Variants in CDC42BPB observed in about 807,000 individuals in gnomAD.
CDC42BPB encodes serine/threonine-protein kinase MRCK beta.
CDC42BPB carries 37 observed loss-of-function variants against 214.9 expected under a neutral mutation model. The ratio of observed to expected loss-of-function variants is 0.17; its 90% CI spans 0.13 to 0.23. The LOEUF is 0.23. CDC42BPB is among the 10% of genes least tolerant of loss of function. The probability of loss-of-function intolerance (pLI) is 1.00; values close to 1 mark genes in which losing one functional copy is unlikely to be tolerated. For synonymous variants in CDC42BPB, 931 were observed against 884.0 expected (o/e 1.05, Z -0.94); for missense variants, 1,694 against 2,227.0 (o/e 0.76, Z 4.82).
intron 5 of CDC42BPB, among the ~76,000 whole-genome samples, chr14:102,989,474 T>C (rs1894393773): frequency 6.6e-6 from 1 of 152,240 alleles, no homozygotes; most frequent in African/African-American, 2.4e-5. Context: ...ACATTTATAA[T>C]TGCAAAATAT....
chr14:103,046,201 C>G (rs1215476740), intron 1 of CDC42BPB, among the ~76,000 whole-genome samples: 1 of 152,052 alleles, frequency 6.6e-6, no homozygotes, highest in South Asian at 2.1e-4. Flanking sequence ...CAGAAACTGA[C>G]AGCTATGCCC....
chr14:102,998,213 G>A (rs1390737156), intron 5 of CDC42BPB, among the ~76,000 whole-genome samples: 1 of 152,216 alleles, frequency 6.6e-6, no homozygotes, highest in Non-Finnish European at 1.5e-5. Flanking sequence ...ATGGGTGACA[G>A]AGAGAAAGAG....
intron 24 of CDC42BPB, among the ~76,000 whole-genome samples, chr14:102,952,198 T>G (rs1892520119): frequency 6.6e-6 from 1 of 151,602 alleles, no homozygotes; most frequent in South Asian, 2.1e-4. Flanking sequence ...AAAAAAAATT[T>G]AAAAATAGCC....
At chr14:103,036,405 T>G (rs933829318) in intron 1 of CDC42BPB, among the ~76,000 whole-genome samples, 4 of 152,216 alleles carry the variant, frequency 2.6e-5, no homozygotes, top group Non-Finnish European at 4.4e-5. Context: ...TCCACCTGCC[T>G]CGGCCTCCCA....
At chr14:102,996,888 G>C (rs59095634) in intron 5 of CDC42BPB, among the ~76,000 whole-genome samples, 6,481 of 150,570 alleles carry the variant, frequency 0.043, 470 homozygotes, top group African/African-American at 0.15. Flanking sequence ...TTTTTAAAAA[G>C]AAAGAAAGAG....
Position 102,990,016 on chromosome 14 carries a change from T to A in CDC42BPB, c.597-3436A>T, listed in dbSNP as rs372236311. Among the ~76,000 whole-genome samples, 55 of 152,272 alleles carry A rather than the reference T, an allele frequency of 3.6e-4. No individual in the cohort carries two copies. In the East Asian group the frequency reaches 5.8e-3, roughly 16 times the overall value. On this transcript the variant is annotated intron_variant, in intron 5 of 36. Coordinates refer to ENST00000361246, the MANE Select transcript of CDC42BPB (RefSeq NM_006035.4). ...TGGACGATAGCAGAAGACAGCAGAC[T>A]GGCTACGGATCCTGGGTTGCCAGCG...
At chr14:102,947,655 T>C (rs1314884041) in intron 27 of CDC42BPB, 66 bp downstream of exon 27, 1 of 1,376,356 alleles carries the variant, frequency 7.3e-7, no homozygotes, top group Non-Finnish European at 1.0e-6. Context: ...CGCAGCACAA[T>C]GACATGCCTA....
In CDC42BPB at chr14:102,996,403, A is replaced by C. The variant is rs192985951; in HGVS notation, c.596+3162T>G. Among the ~76,000 whole-genome samples, 78 of 152,312 alleles carry C rather than the reference A, an allele frequency of 5.1e-4. 1 individual carries two copies. In the Middle Eastern group the frequency reaches 0.014, roughly 27 times the overall value. On this transcript the variant is annotated intron_variant, in intron 5 of 36. Transcript: ENST00000361246. ...TATTTAGGGGGAGAAAAACAATTTA[A>C]AAGGTGGTCAAACTAATTTCCCTGG...
chr14:103,009,056 G>A (rs1886005038), intron 2 of CDC42BPB, among the ~76,000 whole-genome samples: 1 of 152,148 alleles, frequency 6.6e-6, no homozygotes, highest in African/African-American at 2.4e-5. Flanking sequence ...CTGCACCATT[G>A]TCTGGTGCAT....
At chr14:102,959,569 A>G (rs1892863483) in intron 21 of CDC42BPB, 62 bp downstream of exon 21, 2 of 1,144,818 alleles carry the variant, frequency 1.7e-6, no homozygotes, top group Admixed American at 4.2e-5. Context: ...AAAATCATAT[A>G]TGACACTATT....
rs1566903951 is a variant in CDC42BPB at position 103,014,165 on chromosome 14, C to CAAACAAAAAA, written c.176-1978_176-1977insTTTTTTGTTT. Among the ~76,000 whole-genome samples, 2 of 24,560 alleles carry CAAACAAAAAA rather than the reference C, an allele frequency of 8.1e-5. 1 individual carries two copies. Among genetic ancestry groups the CAAACAAAAAA allele is most frequent in the Non-Finnish European group, 1.8e-4 (2 of 11,108 alleles). 16.1% of individuals were successfully genotyped at this position (24,560 alleles called of 152,430 possible). On this transcript the variant is annotated intron_variant, in intron 1 of 36. Coordinates refer to ENST00000361246, the MANE Select transcript of CDC42BPB (RefSeq NM_006035.4). ...TGGGCGACACAGCGAGACTCCGTCTCAAAAAAAAAAAAAAAAAAAAAGCTC... is the reference window on the plus strand; with the variant it reads ...TGGGCGACACAGCGAGACTCCGTCTCAAACAAAAAAAAAAAAAAAAAAAAAAAAAAAGCTC...
At chr14:102,967,571 C>T (rs560118921) in intron 16 of CDC42BPB, among the ~76,000 whole-genome samples, 70 of 152,352 alleles carry the variant, frequency 4.6e-4, no homozygotes, top group African/African-American at 1.6e-3. Context: ...GTGCGGCTGC[C>T]GCACACCAGG....
In CDC42BPB at chr14:102,974,130, T is replaced by C. The variant is rs751534783; in HGVS notation, c.1527A>G (p.Arg509=). The stretch of plus-strand genomic sequence containing the variant: ...GAAGCGCCACTGTGTCCTCAAGCTG[T>C]CGCTCGAGCCTGTTTGAATCTGGAC... ...NKIADSNRLE[R]QLEDTVALRQ... The change falls in exon 12 of 37, where the codon CGA becomes CGG. Residue 509 remains arginine (R), a synonymous_variant. Transcript: ENST00000361246. 254 of 1,613,680 alleles carry C rather than the reference T, an allele frequency of 1.6e-4. No homozygotes were observed. The highest frequency in any genetic ancestry group is 4.8e-4 in the Admixed American group (29 of 59,904).
At position 102,938,405 on chromosome 14, in the gene CDC42BPB, C is replaced by T. The variant is rs1249699952; in HGVS notation, c.4834G>A (p.Val1612Met). The change falls in exon 35 of 37, where the codon GTG becomes ATG. Residue 1612 changes from valine to methionine, a missense_variant. Val to Met is a conservative substitution (Grantham distance 21). Around this residue, in one of 7 missense-constraint regions of CDC42BPB, gnomAD observed 146 missense variants for 134.1 expected, o/e 1.09. Transcript: ENST00000361246. Reference protein sequence around the residue: ...QVLMDLPLSAVPPSQEERPGP... With the variant: ...QVLMDLPLSAMPPSQEERPGP... ...GGCCTTTCCTCCTGGGAGGGGGGCA[C>T]AGCACTCTGGGCAGAAATAGCAACA... 1.3e-6 allele frequency: 2 copies of T among 1,541,666 alleles called. No individual in the cohort carries two copies. The highest frequency in any genetic ancestry group is 1.3e-5 in the South Asian group (1 of 77,396).
Position 102,983,577 on chromosome 14 carries a change from A to G in CDC42BPB, c.870T>C (p.Tyr290=), listed in dbSNP as rs748825248. Reference sequence around the variant, plus strand: ...TTACTTCATGGTTCATGATCTTCCCATAGGTCTCCACGAGTGACTCCGCAT... The same window carrying G: ...TTACTTCATGGTTCATGATCTTCCCGTAGGTCTCCACGAGTGACTCCGCAT... ...PFYAESLVET[Y]GKIMNHEERF... is the part of the protein sequence containing the mutation. Residue 290 remains tyrosine, a synonymous_variant, in exon 7 of 37, where the codon TAT becomes TAC. Transcript: ENST00000361246. 8.1e-6 allele frequency: 13 copies of G among 1,606,064 alleles called. No individual in the cohort carries two copies. Among genetic ancestry groups the G allele is most frequent in the East Asian group, 2.2e-5 (1 of 44,872 alleles).
Position 102,932,876 on chromosome 14 carries a change from G to GC in CDC42BPB, c.*835_*836insG, listed in dbSNP as rs1891449419. ...GGCTCCATGCGGGGGCAGGACTGGT[G>GC]GGGGGGGGGGCGGGCAGGGCGGGGC... On this transcript the variant is annotated 3_prime_UTR_variant, in exon 37 of 37. Coordinates refer to ENST00000361246, the MANE Select transcript of CDC42BPB (RefSeq NM_006035.4). 2.9e-5 allele frequency: 1 copy of GC among 34,532 alleles called. No homozygotes were observed. Among genetic ancestry groups the GC allele is most frequent in the African/African-American group, 9.2e-5 (1 of 10,822 alleles). The allele number at this position is 34,532 out of a possible 1,614,324, so 2.1% of individuals were successfully genotyped here. A position where few individuals can be genotyped will look rare whatever the true frequency, so the allele number is the denominator to read the frequency against.
intron 1 of CDC42BPB, among the ~76,000 whole-genome samples, chr14:103,022,886 G>A (rs1046359608): frequency 6.7e-6 from 1 of 149,620 alleles, no homozygotes; most frequent in Non-Finnish European, 1.5e-5. Flanking sequence ...TCTCTGGAAT[G>A]GGCTCACCCA....
intron 1 of CDC42BPB, among the ~76,000 whole-genome samples, chr14:103,047,933 G>A (rs146208229): frequency 0.011 from 1,708 of 150,330 alleles, 20 homozygotes; most frequent in Non-Finnish European, 0.017. Flanking sequence ...GACAGACCTG[G>A]TTCAAAAAAT....
chr14:102,949,068 C>G (rs1885406), intron 26 of CDC42BPB, among the ~76,000 whole-genome samples: 143,956 of 152,302 alleles, frequency 0.95, 68,249 homozygotes, highest in Middle Eastern at 0.99. Flanking sequence ...CACCACACAA[C>G]AGACGGTGCA....
Sources: gnomAD v4.1 joint callset for allele counts (sites outside exome capture counted in the v4.1 genomes callset) on GRCh38, gnomAD v4.1.1 for gene constraint, gnomAD v4.1.1 regional missense constraint, MANE v1.5 for transcripts, NCBI Gene and HGNC (gene_info 2026-07-23, HGNC 2026-07-21) for gene names.